Variants in TMCC1 observed in about 807,000 individuals in gnomAD.
TMCC1 encodes the protein transmembrane and coiled-coil domains protein 1.
In TMCC1, 15 loss-of-function variants were observed where a neutral mutation model predicts 52.4. The observed-to-expected ratio is 0.29, with a 90% CI of 0.19 to 0.44. The LOEUF is 0.44. Among genes scored for constraint, TMCC1 ranks in the 20% least tolerant of loss-of-function variants. The probability of loss-of-function intolerance (pLI) is 1.00; values close to 1 mark genes in which losing one functional copy is unlikely to be tolerated. For missense variants in TMCC1, 503 were observed against 806.0 expected (o/e 0.62, Z 4.55); for synonymous variants, 279 against 301.9 (o/e 0.92, Z 0.79).
chr3:129,711,868 G>C (rs544809687), intron 4 of TMCC1, among the ~76,000 whole-genome samples: 1 of 150,692 alleles, frequency 6.6e-6, no homozygotes, highest in East Asian at 1.9e-4. Flanking sequence ...TGGGCATGGT[G>C]GCACACATCT....
intron 5 of TMCC1, among the ~76,000 whole-genome samples, chr3:129,661,817 A>G (rs931577149): frequency 2.6e-5 from 4 of 152,140 alleles, no homozygotes; most frequent in Non-Finnish European, 4.4e-5. Context: ...GAAGACAAAA[A>G]AATTCTGTAT....
intron 2 of TMCC1, among the ~76,000 whole-genome samples, chr3:129,843,545 A>G (rs1335385337): frequency 4.6e-5 from 7 of 152,116 alleles, no homozygotes; most frequent in African/African-American, 1.7e-4. Context: ...AGGAGAAAGG[A>G]CATCAATACT....
At chr3:129,778,849 C>T (rs895900892) in intron 4 of TMCC1, among the ~76,000 whole-genome samples, 1 of 152,178 alleles carries the variant, frequency 6.6e-6, no homozygotes, top group African/African-American at 2.4e-5. Flanking sequence ...TGAGGCCTCC[C>T]AGCCCTGTGG....
chr3:129,856,048 C>T (rs1393447074), intron 2 of TMCC1, among the ~76,000 whole-genome samples: 2 of 152,246 alleles, frequency 1.3e-5, no homozygotes, highest in Admixed American at 1.3e-4. Flanking sequence ...TATTATACTA[C>T]AGTTACATAA....
chr3:129,740,984 C>T (rs1329131573), intron 4 of TMCC1, among the ~76,000 whole-genome samples: 3 of 152,178 alleles, frequency 2.0e-5, no homozygotes, highest in Non-Finnish European at 4.4e-5. Flanking sequence ...TCACCAATCT[C>T]AGGACTCATT....
In TMCC1 at chr3:129,670,893, C is replaced by G. The variant is rs542087916; in HGVS notation, c.948G>C (p.Arg316=). 9 of 1,614,154 alleles carry G rather than the reference C, an allele frequency of 5.6e-6. No individual in the cohort carries two copies. The South Asian group carries it at 9.9e-5, about 18-fold the overall frequency. ...LREVEQNGIP[R]QPKDVFRDMH... is the part of the protein sequence containing the mutation. ...TGTCCCTGAAGACATCCTTTGGCTG[C>G]CGGGGGATCCCATTCTGCTCTACCT... is the stretch of plus-strand genomic sequence containing the variant. The change falls in exon 5 of 7, where the codon CGG becomes CGC. Residue 316 remains arginine (R), a synonymous_variant. Coordinates refer to ENST00000393238, the MANE Select transcript of TMCC1 (RefSeq NM_001017395.5).
chr3:129,705,876 G>A (rs1464719988), intron 4 of TMCC1, among the ~76,000 whole-genome samples: 1 of 140,024 alleles, frequency 7.1e-6, no homozygotes, highest in African/African-American at 2.7e-5. Flanking sequence ...ACAGGTGTGA[G>A]CCACCGCGCC....
At chr3:129,830,523 T>G (rs751771672) in intron 3 of TMCC1, among the ~76,000 whole-genome samples, 7 of 152,162 alleles carry the variant, frequency 4.6e-5, no homozygotes, top group Non-Finnish European at 8.8e-5. Flanking sequence ...TATCAACTCA[T>G]CTCTTCTTGC....
At chr3:129,740,387 G>C (rs944374934) in intron 4 of TMCC1, among the ~76,000 whole-genome samples, 1 of 152,138 alleles carries the variant, frequency 6.6e-6, no homozygotes, top group African/African-American at 2.4e-5. Context: ...AGTAGCACAA[G>C]TAAAGCTTAA....
At chr3:129,875,822 T>C (rs2061176943) in intron 2 of TMCC1, among the ~76,000 whole-genome samples, 1 of 152,212 alleles carries the variant, frequency 6.6e-6, no homozygotes, top group Non-Finnish European at 1.5e-5. Flanking sequence ...CTACATAGAC[T>C]GGATACTTTT....
chr3:129,730,509 T>A (rs2050454931), intron 4 of TMCC1, among the ~76,000 whole-genome samples: 1 of 152,232 alleles, frequency 6.6e-6, no homozygotes, highest in Non-Finnish European at 1.5e-5. Context: ...ATTCCATTAA[T>A]CTACATGTGT....
intron 4 of TMCC1, chr3:129,688,348 G>T (rs1386581091): frequency 2.0e-6 from 2 of 985,176 alleles, no homozygotes; most frequent in Admixed American, 1.2e-4. Flanking sequence ...CTGTGGCATA[G>T]TCTGTCACTG....
intron 4 of TMCC1, among the ~76,000 whole-genome samples, chr3:129,791,617 A>C (rs1047122403): frequency 6.6e-6 from 1 of 152,192 alleles, no homozygotes; most frequent in Admixed American, 6.5e-5. Context: ...TGGCTCACGC[A>C]GGAGACATGG....
At chr3:129,818,814 A>C (rs1272463088) in intron 4 of TMCC1, 1 of 152,248 alleles carries the variant, frequency 6.6e-6, no homozygotes, top group African/African-American at 2.4e-5. Flanking sequence ...TAAATAAATA[A>C]TACTATAAAT....
chr3:129,667,378 G>A (rs1297245952), intron 5 of TMCC1, among the ~76,000 whole-genome samples: 2 of 152,004 alleles, frequency 1.3e-5, no homozygotes, highest in Non-Finnish European at 2.9e-5. Flanking sequence ...GGAATTATTG[G>A]AACAACAAAA....
At chr3:129,693,107 T>C (rs974223037) in intron 4 of TMCC1, among the ~76,000 whole-genome samples, 11 of 152,218 alleles carry the variant, frequency 7.2e-5, no homozygotes, top group African/African-American at 2.7e-4. Context: ...TAAAATATAC[T>C]ACTGGGATGT....
chr3:129,891,719 T>C (rs1251048491), intron 1 of TMCC1, among the ~76,000 whole-genome samples: 1 of 152,204 alleles, frequency 6.6e-6, no homozygotes, highest in Non-Finnish European at 1.5e-5. Flanking sequence ...TGTAGCCCAG[T>C]ACTTAGAAAA....
intron 4 of TMCC1, among the ~76,000 whole-genome samples, chr3:129,696,268 C>A (rs1484080576): frequency 6.6e-6 from 1 of 152,240 alleles, no homozygotes; most frequent in African/African-American, 2.4e-5. Flanking sequence ...TTCTATTAAT[C>A]CCAGGTCTTT....
chr3:129,760,448 C>T (rs1004157504), intron 4 of TMCC1, among the ~76,000 whole-genome samples: 2 of 122,030 alleles, frequency 1.6e-5, no homozygotes, highest in African/African-American at 2.9e-5. Flanking sequence ...TTGAGACAGT[C>T]TCGCTCTGTG....
Sources: gnomAD v4.1 joint callset for allele counts (sites outside exome capture counted in the v4.1 genomes callset) on GRCh38, gnomAD v4.1.1 for gene constraint, MANE v1.5 for transcripts, NCBI Gene and HGNC (gene_info 2026-07-23, HGNC 2026-07-21) for gene names.